Variants in FAT3 observed in about 807,000 individuals in gnomAD.
FAT3 encodes protocadherin Fat 3.
A neutral mutation model predicts 310.2 loss-of-function variants in FAT3; 95 were observed. That is an observed-to-expected ratio of 0.31 (90% CI 0.26 to 0.36). FAT3 has a LOEUF of 0.36. FAT3 is among the 10% of genes least tolerant of loss of function. The pLI is 1.00. For missense variants in FAT3, 5,408 were observed against 5,715.6 expected, an observed-to-expected ratio of 0.95 and a Z score of 1.74; for synonymous variants, 2,314 against 2,192.9, an observed-to-expected ratio of 1.06 and a Z score of -1.54.
At chr11:92,615,318 C>T (rs1385566376) in intron 3 of FAT3, among the ~76,000 whole-genome samples, 3 of 152,172 alleles carry the variant, frequency 2.0e-5, no homozygotes, top group Non-Finnish European at 4.4e-5. Context: ...ACGATCTTCG[C>T]TCACTGCAAC....
intron 14 of FAT3, among the ~76,000 whole-genome samples, chr11:92,834,523 G>A (rs887069845): frequency 6.6e-6 from 1 of 152,214 alleles, no homozygotes; most frequent in African/African-American, 2.4e-5. Flanking sequence ...TCCACCTGAG[G>A]AATCAGAAGA....
At chr11:92,789,823 G>C in intron 7 of FAT3, 120 bp from the exon 8 acceptor site, 1 of 947,970 alleles carries the variant, frequency 1.1e-6, no homozygotes, top group Non-Finnish European at 1.6e-6. Flanking sequence ...TGTGTTGCAA[G>C]AGCTACTAGA....
chr11:92,815,549 G>T (rs934128574), intron 13 of FAT3, among the ~76,000 whole-genome samples: 1 of 151,732 alleles, frequency 6.6e-6, no homozygotes, highest in Admixed American at 6.6e-5. Flanking sequence ...CTCCAGCCTG[G>T]GAGACAGAGC....
rs2136415533 is a variant in FAT3, at chr11:92,883,201, C to T, written c.12745C>T (p.Leu4249=). The T allele has an allele frequency of 6.2e-7, 1 of 1,613,370 alleles. No homozygotes were observed. The highest frequency in any genetic ancestry group is 8.5e-7 in the Non-Finnish European group (1 of 1,179,850). Residue 4249 remains leucine (L), a synonymous_variant, in exon 24 of 28, where the codon CTG becomes TTG. Transcript: ENST00000525166. The surrounding 1 kb of genome is among the most constrained non-coding windows in gnomAD (Gnocchi z 4.2). ...CTTCCAGAGTGACTCCAGGAGCAAC[C>T]TGGATAAGATCGTGGACGGGCTGGG... is the stretch of plus-strand genomic sequence containing the variant. ...PCFQSDSRSN[L]DKIVDGLGGE...
rs759565999 is a variant in FAT3 at position 92,801,822 on chromosome 11, G to A, written c.8809G>A (p.Asp2937Asn). Residue 2937 changes from aspartate to asparagine, a missense_variant, in exon 10 of 28, where the codon GAC becomes AAC. By Grantham distance (23) the Asp-to-Asn change is conservative. Transcript: ENST00000525166. ...GTACCGAGGGAATGTGAAGGAGAGC[G>A]ACCCACCGGGCGAGGTGGTAGCCGT... is the stretch of plus-strand genomic sequence containing the variant. ...EVYRGNVKES[D>N]PPGEVVAVLS... is the part of the protein sequence containing the mutation. 5.6e-6 allele frequency: 9 copies of A among 1,613,752 alleles called. No homozygotes were observed. The Admixed American group carries it at 6.7e-5, about 12-fold the overall frequency.
chr11:92,580,075 A>G (rs1288697658), intron 3 of FAT3, among the ~76,000 whole-genome samples: 1 of 152,120 alleles, frequency 6.6e-6, no homozygotes, highest in Non-Finnish European at 1.5e-5. Flanking sequence ...ATCCCAGCTT[A>G]TAATCTTGCT....
chr11:92,751,070 C>T (rs1175597466), intron 4 of FAT3, among the ~76,000 whole-genome samples: 2 of 152,170 alleles, frequency 1.3e-5, no homozygotes, highest in African/African-American at 4.8e-5. Context: ...CTGCACAGGA[C>T]ATGCTGAAAC....
intron 2 of FAT3, among the ~76,000 whole-genome samples, chr11:92,359,115 G>A (rs1481148737): frequency 1.3e-5 from 2 of 152,018 alleles, no homozygotes; most frequent in Admixed American, 6.6e-5. Context: ...GTGGGAGCCC[G>A]GGAATCTTCA....
In FAT3 at chr11:92,892,533, T is replaced by G. The variant is rs1199709533; in HGVS notation, c.*1420T>G. On this transcript the variant is annotated 3_prime_UTR_variant, in exon 28 of 28. Transcript: ENST00000525166. ...TTCAAGCGATTCTCCTGCCTCAGCC[T>G]CCCAGGTTGCTGGGGTTACAGGTGT... The G allele has an allele frequency of 9.9e-5, 15 of 152,214 alleles. No homozygotes were observed. The highest frequency in any genetic ancestry group is 2.2e-4 in the Non-Finnish European group (15 of 68,252). 9.4% of individuals were successfully genotyped at this position (152,214 alleles called of 1,614,324 possible).
At chr11:92,812,716 G>A (rs1947712112) in intron 13 of FAT3, among the ~76,000 whole-genome samples, 1 of 152,166 alleles carries the variant, frequency 6.6e-6, no homozygotes, top group Non-Finnish European at 1.5e-5. Context: ...AGAAGGCCCT[G>A]CAATTCCAGG....
chr11:92,614,750 G>A (rs1940722313), intron 3 of FAT3, among the ~76,000 whole-genome samples: 2 of 152,124 alleles, frequency 1.3e-5, no homozygotes, highest in African/African-American at 4.8e-5. Flanking sequence ...TTTCTCACGT[G>A]TGTTTTTTGT....
At chr11:92,285,613 C>G (rs1946542749) in intron 1 of FAT3, among the ~76,000 whole-genome samples, 1 of 152,092 alleles carries the variant, frequency 6.6e-6, no homozygotes, top group African/African-American at 2.4e-5. Flanking sequence ...ACACTTAGGT[C>G]TCTGTTTCTA....
chr11:92,613,433 A>C (rs968675097), intron 3 of FAT3, among the ~76,000 whole-genome samples: 3 of 152,244 alleles, frequency 2.0e-5, no homozygotes, highest in African/African-American at 7.2e-5. Flanking sequence ...TAACACAATT[A>C]GCCTCTAAAC....
At chr11:92,531,855 G>A (rs1006013926) in intron 3 of FAT3, among the ~76,000 whole-genome samples, 9 of 151,690 alleles carry the variant, frequency 5.9e-5, no homozygotes, top group Non-Finnish European at 1.2e-4. Flanking sequence ...ATAATTCTTC[G>A]TCGTGGGGAG....
intron 2 of FAT3, among the ~76,000 whole-genome samples, chr11:92,441,404 T>G (rs1951060880): frequency 6.6e-6 from 1 of 152,198 alleles, no homozygotes; most frequent in South Asian, 2.1e-4. Context: ...TCCATAGTAA[T>G]GAAAAATGAA....
chr11:92,720,199 T>C (rs771456283), intron 4 of FAT3, among the ~76,000 whole-genome samples: 8 of 152,206 alleles, frequency 5.3e-5, no homozygotes, highest in Non-Finnish European at 8.8e-5. Context: ...TATTTTCTCC[T>C]TAACATAGTG....
chr11:92,473,352 T>TAGAG (rs10664122), intron 2 of FAT3, among the ~76,000 whole-genome samples: 135,149 of 151,830 alleles, frequency 0.89, 60,194 homozygotes, highest in Admixed American at 0.9. Context: ...GATGAAGGGA[T>TAGAG]AGAGATATCA....
At chr11:92,437,309 G>C (rs996601948) in intron 2 of FAT3, among the ~76,000 whole-genome samples, 4 of 152,154 alleles carry the variant, frequency 2.6e-5, no homozygotes, top group African/African-American at 4.8e-5. Context: ...TTTTAAATGT[G>C]AGAAAAGGCC....
chr11:92,260,895 AC>A (rs1308740889), intron 1 of FAT3, among the ~76,000 whole-genome samples: 1 of 152,086 alleles, frequency 6.6e-6, no homozygotes, highest in African/African-American at 2.4e-5. Context: ...CATCAGACAG[AC>A]AGTAAAAAAA....
Sources: allele counts gnomAD v4.1 joint callset (sites outside exome capture counted in the v4.1 genomes callset), GRCh38; gene constraint gnomAD v4.1.1; non-coding constraint Gnocchi (gnomAD v3.1); transcripts MANE v1.5; gene names NCBI Gene and HGNC (gene_info 2026-07-23, HGNC 2026-07-21).